Variants in PLCB4 observed in about 807,000 individuals in gnomAD.
PLCB4 encodes the protein phospholipase C beta 4.
A neutral mutation model predicts 178.8 loss-of-function variants in PLCB4; 77 were observed. That is an observed-to-expected ratio of 0.43 (90% confidence interval 0.36 to 0.52). PLCB4 has a LOEUF of 0.52. PLCB4 is among the 20% of genes least tolerant of loss of function. The probability of loss-of-function intolerance (pLI) is 0.00; values close to 1 mark genes in which losing one functional copy is unlikely to be tolerated. For synonymous variants in PLCB4, 496 were observed against 490.8 expected (o/e 1.01, Z -0.14); for missense variants, 1,024 against 1,453.4 (o/e 0.70, Z 4.80).
chr20:9,325,141 A>G (rs149813924), intron 4 of PLCB4, among the ~76,000 whole-genome samples: 64 of 152,350 alleles, frequency 4.2e-4, no homozygotes, highest in South Asian at 1.7e-3. Flanking sequence ...AGAAGAACTT[A>G]TCAGTTTGCG....
At chr20:9,393,321 C>T (rs1354672986) in intron 17 of PLCB4, among the ~76,000 whole-genome samples, 4 of 152,184 alleles carry the variant, frequency 2.6e-5, no homozygotes, top group Non-Finnish European at 1.5e-5. Context: ...ACATCCCAGG[C>T]CAGACCCCTG....
intron 5 of PLCB4, among the ~76,000 whole-genome samples, chr20:9,337,706 TTAA>T (rs1270552200): frequency 6.6e-6 from 1 of 152,172 alleles, no homozygotes; most frequent in Non-Finnish European, 1.5e-5. Flanking sequence ...ACACATGTAT[TTAA>T]TGATTATTAA....
intron 7 of PLCB4, among the ~76,000 whole-genome samples, chr20:9,346,228 C>T (rs1385078198): frequency 6.6e-6 from 1 of 152,208 alleles, no homozygotes; most frequent in African/African-American, 2.4e-5. Flanking sequence ...CTGCCCCACC[C>T]TACTGAATCA....
intron 12 of PLCB4, among the ~76,000 whole-genome samples, chr20:9,375,709 G>A (rs1041100264): frequency 1.3e-5 from 2 of 152,100 alleles, no homozygotes; most frequent in African/African-American, 4.8e-5. Context: ...ACACTGGAAA[G>A]GACAAGGTCC....
chr20:9,087,325 T>G (rs2090473106), intron 1 of PLCB4, among the ~76,000 whole-genome samples: 1 of 152,232 alleles, frequency 6.6e-6, no homozygotes, highest in South Asian at 2.1e-4. Flanking sequence ...TAGTATACTA[T>G]ACATAGGTTG....
intron 2 of PLCB4, among the ~76,000 whole-genome samples, chr20:9,176,584 T>C (rs1488997087): frequency 1.3e-5 from 2 of 152,228 alleles, no homozygotes; most frequent in African/African-American, 4.8e-5. Flanking sequence ...TAAATGTATA[T>C]ACATACACAC....
chr20:9,216,558 G>A (rs1046355868), intron 2 of PLCB4, among the ~76,000 whole-genome samples: 6 of 151,924 alleles, frequency 3.9e-5, no homozygotes, highest in Non-Finnish European at 2.9e-5. Context: ...GGAGTGCAGT[G>A]GCATGATCTT....
At chr20:9,156,848 C>CCTCCCTCCCTCCCTCCCTCG (rs2092799652) in intron 2 of PLCB4, among the ~76,000 whole-genome samples, 1 of 126,836 alleles carries the variant, frequency 7.9e-6, no homozygotes, top group Non-Finnish European at 1.6e-5. Flanking sequence ...TCCCTCCCTC[C>CCTCCCTCCCTCCCTCCCTCG]CTCCCTTCCT....
intron 35 of PLCB4, among the ~76,000 whole-genome samples, chr20:9,467,883 C>T (rs918898323): frequency 2.0e-5 from 3 of 152,152 alleles, no homozygotes; most frequent in Non-Finnish European, 2.9e-5. Flanking sequence ...TAATAATATA[C>T]TATGTAGCAT....
At chr20:9,359,354 A>G (rs1310038656) in intron 7 of PLCB4, among the ~76,000 whole-genome samples, 3 of 152,206 alleles carry the variant, frequency 2.0e-5, no homozygotes, top group Non-Finnish European at 4.4e-5. Flanking sequence ...AATTAGAGGC[A>G]GCTTCTCTTT....
At chr20:9,299,096 A>G (rs1250342226) in intron 3 of PLCB4, among the ~76,000 whole-genome samples, 2 of 152,160 alleles carry the variant, frequency 1.3e-5, no homozygotes, top group Non-Finnish European at 2.9e-5. Flanking sequence ...ATCAGTCATA[A>G]CTGGGATGTG....
intron 3 of PLCB4, among the ~76,000 whole-genome samples, chr20:9,296,169 C>CA (rs1316448699): frequency 6.6e-6 from 1 of 152,168 alleles, no homozygotes; most frequent in Admixed American, 6.6e-5. Flanking sequence ...AAGAAAAAAA[C>CA]AAACAGCCCC....
chr20:9,239,444 A>G (rs2094031326), intron 3 of PLCB4, among the ~76,000 whole-genome samples: 2 of 152,188 alleles, frequency 1.3e-5, no homozygotes, highest in East Asian at 1.9e-4. Flanking sequence ...CCCTATAACA[A>G]AGACAGATTA....
intron 2 of PLCB4, among the ~76,000 whole-genome samples, chr20:9,110,959 A>G (rs1456976371): frequency 4.6e-5 from 7 of 152,068 alleles, no homozygotes; most frequent in Admixed American, 2.6e-4. Context: ...AATTTTTTTG[A>G]CTACTTGTAT....
chr20:9,417,585 T>C (rs547342244), intron 25 of PLCB4, among the ~76,000 whole-genome samples: 1 of 152,334 alleles, frequency 6.6e-6, no homozygotes, highest in African/African-American at 2.4e-5. Context: ...CCATGTTTTG[T>C]GCCATACATT....
chr20:9,142,238 G>A (rs1022712583), intron 2 of PLCB4, among the ~76,000 whole-genome samples: 1 of 152,100 alleles, frequency 6.6e-6, no homozygotes, highest in African/African-American at 2.4e-5. Context: ...CACAAAATGG[G>A]TTCAGAGGAA....
At chr20:9,267,988 TC>T (rs1020361102) in intron 3 of PLCB4, among the ~76,000 whole-genome samples, 58 of 152,080 alleles carry the variant, frequency 3.8e-4, no homozygotes, top group Non-Finnish European at 6.8e-4. Context: ...TTCTGTCACT[TC>T]TATAGAGAGT....
chr20:9,171,003 G>C (rs1008633649), intron 2 of PLCB4, among the ~76,000 whole-genome samples: 1 of 152,102 alleles, frequency 6.6e-6, no homozygotes, highest in African/African-American at 2.4e-5. Context: ...GTTCTTTGAC[G>C]GTACCATGAA....
At chr20:9,142,123 T>C (rs2092504678) in intron 2 of PLCB4, among the ~76,000 whole-genome samples, 1 of 151,990 alleles carries the variant, frequency 6.6e-6, no homozygotes, top group Non-Finnish European at 1.5e-5. Flanking sequence ...TTGCAGTTGG[T>C]GAGGTAGTTT....
Sources: allele counts gnomAD v4.1 joint callset (sites outside exome capture counted in the v4.1 genomes callset), GRCh38; gene constraint gnomAD v4.1.1; transcripts MANE v1.5; gene names NCBI Gene and HGNC (gene_info 2026-07-23, HGNC 2026-07-21).